The following GRID1 variants were observed in gnomAD, a reference collection of about 807,000 sequenced individuals.
GRID1 encodes the protein glutamate receptor ionotropic, delta-1.
In GRID1, 28 loss-of-function variants were observed where a neutral mutation model predicts 98.0. The observed-to-expected ratio is 0.29, with a 90% confidence interval of 0.21 to 0.39. The LOEUF (loss-of-function observed/expected upper bound fraction) is 0.39. Among genes scored for constraint, GRID1 ranks in the 10% least tolerant of loss-of-function variants. GRID1 has a pLI of 1.00. For synonymous variants in GRID1, 553 were observed against 538.5 expected (o/e 1.03, Z -0.37); for missense variants, 1,111 against 1,340.5 (o/e 0.83, Z 2.67).
At position 85,882,324 on chromosome 10, in the gene GRID1, G is replaced by A. The variant is rs557624970; in HGVS notation, c.781-13144C>T. ...TGCTGCTATAAAGACACATGCACAC[G>A]TATGTTTATTTTGGCACTATTCACA... On this transcript the variant is annotated intron_variant, in intron 5 of 15. Transcript: ENST00000327946. Among the ~76,000 whole-genome samples, 8 of 152,148 alleles carry A rather than the reference G, an allele frequency of 5.3e-5. No homozygotes were observed. The East Asian group carries it at 5.8e-4, about 11-fold the overall frequency.
Position 86,206,270 on chromosome 10 carries a change from CT to C in GRID1, c.520+93del. ...GAGGCCCACTCAGCACAGACCACCCCTGACCGGTCCAGGGCCCCACCCACTC... is the reference window on the plus strand; with the variant it reads ...GAGGCCCACTCAGCACAGACCACCCCGACCGGTCCAGGGCCCCACCCACTC... On this transcript the variant is annotated intron_variant, in intron 3 of 15. Coordinates refer to ENST00000327946, the MANE Select transcript of GRID1 (RefSeq NM_017551.3). The surrounding 1 kb of genome is among the most constrained non-coding windows in gnomAD (Gnocchi z 4.1). 3 of 1,266,576 alleles carry C rather than the reference CT, an allele frequency of 2.4e-6. No individual in the cohort carries two copies. The highest frequency in any genetic ancestry group is 3.3e-6 in the Non-Finnish European group (3 of 915,670). 78.5% of individuals were successfully genotyped at this position (1,266,576 alleles called of 1,614,324 possible).
In GRID1 at chr10:86,217,348, C is replaced by T. The variant is rs1464695122; in HGVS notation, c.236-10700G>A. Reference sequence around the variant, plus strand: ...TAACAGTCCCACCTCCTAGGGCTGACATGAGAATTAAATGAACTAATTCAT... The same window carrying T: ...TAACAGTCCCACCTCCTAGGGCTGATATGAGAATTAAATGAACTAATTCAT... On this transcript the variant is annotated intron_variant, in intron 2 of 15. Coordinates refer to ENST00000327946, the MANE Select transcript of GRID1 (RefSeq NM_017551.3). Among the ~76,000 whole-genome samples the T allele has an allele frequency of 2.0e-5, 3 of 152,196 alleles. No individual in the cohort carries two copies. The East Asian group carries it at 5.8e-4, about 29-fold the overall frequency.
At chr10:85,736,737 A>C (rs1158824487) in intron 8 of GRID1, among the ~76,000 whole-genome samples, 2 of 152,186 alleles carry the variant, frequency 1.3e-5, no homozygotes, top group African/African-American at 4.8e-5. Context: ...AATAGGGGTA[A>C]GGTGAAAGGG....
At chr10:85,994,683 G>A (rs560049674) in intron 4 of GRID1, among the ~76,000 whole-genome samples, 4 of 152,306 alleles carry the variant, frequency 2.6e-5, no homozygotes, top group South Asian at 4.1e-4. Flanking sequence ...CAGAATGCTG[G>A]GGTCCCCCAG....
At chr10:86,260,130 C>T (rs1846992851) in intron 2 of GRID1, among the ~76,000 whole-genome samples, 1 of 152,232 alleles carries the variant, frequency 6.6e-6, no homozygotes, top group African/African-American at 2.4e-5. Context: ...GCATTCCTCT[C>T]CTGCACCTTG....
intron 2 of GRID1, among the ~76,000 whole-genome samples, chr10:86,218,569 G>T (rs146086294): frequency 1.3e-5 from 2 of 152,156 alleles, no homozygotes. Flanking sequence ...AGGATATAGC[G>T]CAGGGTCTGG....
At chr10:86,138,769 G>A (rs1055624193) in intron 4 of GRID1, 50 bp downstream of exon 4, 8 of 1,463,454 alleles carry the variant, frequency 5.5e-6, no homozygotes, top group Non-Finnish European at 6.7e-6. Flanking sequence ...ACCATCTTCT[G>A]CAGAGCCCTG....
chr10:85,637,833 C>T (rs376878081), intron 13 of GRID1, among the ~76,000 whole-genome samples: 5 of 152,168 alleles, frequency 3.3e-5, no homozygotes, highest in South Asian at 2.1e-4. Flanking sequence ...AATGTATCCC[C>T]GCTCTGGGCA....
chr10:86,324,377 G>A (rs541753699), intron 2 of GRID1, among the ~76,000 whole-genome samples: 6 of 152,240 alleles, frequency 3.9e-5, no homozygotes, highest in South Asian at 2.1e-4. Context: ...GCAGTCACTA[G>A]AAAAACAAAC....
intron 12 of GRID1, among the ~76,000 whole-genome samples, chr10:85,704,561 A>G (rs1010474712): frequency 2.0e-5 from 3 of 152,106 alleles, no homozygotes; most frequent in African/African-American, 4.8e-5. Context: ...ACAGATCAAC[A>G]AGACAGAAAG....
chr10:85,652,002 T>C (rs1843277863), intron 12 of GRID1, among the ~76,000 whole-genome samples: 1 of 152,216 alleles, frequency 6.6e-6, no homozygotes, highest in African/African-American at 2.4e-5. Context: ...GGATTACCGA[T>C]TTTTGAAATT....
chr10:86,004,884 A>C (rs754148269), intron 4 of GRID1, among the ~76,000 whole-genome samples: 3 of 152,186 alleles, frequency 2.0e-5, no homozygotes, highest in Non-Finnish European at 4.4e-5. Flanking sequence ...TCCTTTCTGG[A>C]ATCTTGAGAC....
chr10:85,834,580 T>G (rs1318252950), intron 8 of GRID1, among the ~76,000 whole-genome samples: 3 of 152,148 alleles, frequency 2.0e-5, no homozygotes, highest in Non-Finnish European at 2.9e-5. Context: ...TATTTGATAA[T>G]TGAAACAGAA....
At chr10:85,962,568 C>T (rs1842284404) in intron 4 of GRID1, among the ~76,000 whole-genome samples, 1 of 152,140 alleles carries the variant, frequency 6.6e-6, no homozygotes, top group South Asian at 2.1e-4. Flanking sequence ...TCCAGCACAA[C>T]CTGGCCTCAA....
At chr10:86,236,844 G>A (rs957992675) in intron 2 of GRID1, among the ~76,000 whole-genome samples, 1 of 152,214 alleles carries the variant, frequency 6.6e-6, no homozygotes, top group Non-Finnish European at 1.5e-5. Context: ...GCCTGACCCA[G>A]CGAGTGTGGC....
chr10:85,825,064 G>A (rs944308603), intron 8 of GRID1, among the ~76,000 whole-genome samples: 32 of 152,196 alleles, frequency 2.1e-4, no homozygotes, highest in African/African-American at 7.7e-4. Flanking sequence ...ATCCAGACAT[G>A]GGATTGCTAG....
rs567413572 is a variant in GRID1, at chr10:86,228,364, T to C, written c.236-21716A>G. ...GTAGACAATCAGAGGAAGTCTGACC[T>C]TGCTCTGGCCTTGGTCCCCCATCCT... On this transcript the variant is annotated intron_variant, in intron 2 of 15. Coordinates refer to ENST00000327946, the MANE Select transcript of GRID1 (RefSeq NM_017551.3). Among the ~76,000 whole-genome samples, 9 of 151,906 alleles carry C rather than the reference T, an allele frequency of 5.9e-5. No individual in the cohort carries two copies. The East Asian group carries it at 1.6e-3, about 26-fold the overall frequency.
At chr10:85,790,393 T>C (rs1842467581) in intron 8 of GRID1, among the ~76,000 whole-genome samples, 1 of 152,200 alleles carries the variant, frequency 6.6e-6, no homozygotes, top group African/African-American at 2.4e-5. Flanking sequence ...CCAGAGGCCA[T>C]TTCAGGCCTT....
chr10:85,906,923 A>G (rs1007985093), intron 5 of GRID1, among the ~76,000 whole-genome samples: 4 of 152,324 alleles, frequency 2.6e-5, no homozygotes, highest in South Asian at 2.1e-4. Flanking sequence ...GAGAAAATCA[A>G]TGAAATTGAA....
Sources: gnomAD v4.1 joint callset for allele counts (sites outside exome capture counted in the v4.1 genomes callset) on GRCh38, gnomAD v4.1.1 for gene constraint, Gnocchi (gnomAD v3.1) non-coding constraint, MANE v1.5 for transcripts, NCBI Gene and HGNC (gene_info 2026-07-23, HGNC 2026-07-21) for gene names.